The following CCM2L variants were observed in gnomAD, a reference collection of about 807,000 sequenced individuals.
CCM2L encodes CCM2 like scaffold protein.
Under a neutral mutation model 54.1 loss-of-function variants are expected in CCM2L, and 36 were observed. The observed-to-expected ratio is 0.67, with a 90% CI of 0.51 to 0.88. CCM2L has a LOEUF of 0.88. CCM2L is among the 40% of genes least tolerant of loss of function. CCM2L has a pLI of 0.00. For synonymous variants in CCM2L, 351 were observed against 359.3 expected (o/e 0.98, Z 0.26); for missense variants, 700 against 812.1 (o/e 0.86, Z 1.68).
intron 2 of CCM2L, among the ~76,000 whole-genome samples, chr20:32,015,680 G>A (rs994291613): frequency 1.3e-5 from 2 of 152,088 alleles, no homozygotes; most frequent in Non-Finnish European, 2.9e-5. Context: ...GTTATCAGGC[G>A]TTCATGCATG....
intron 1 of CCM2L, among the ~76,000 whole-genome samples, chr20:32,014,267 T>A (rs1002119730): frequency 3.0e-4 from 40 of 133,562 alleles, no homozygotes; most frequent in African/African-American, 8.3e-4. Context: ...ATATATTTTT[T>A]TTTTTTTTTT....
Position 32,025,922 on chromosome 20 carries a change from G to A in CCM2L, c.1133+3G>A. ...GACTTCAGCTGCTGCAGCTCCTTGTGAGTACAGCCCCTGTCAGGGACTCCA... is the reference window on the plus strand; with the variant it reads ...GACTTCAGCTGCTGCAGCTCCTTGTAAGTACAGCCCCTGTCAGGGACTCCA... On this transcript the variant is annotated splice_donor_region_variant and intron_variant, in intron 7 of 9. Coordinates refer to ENST00000452892, the MANE Select transcript of CCM2L (RefSeq NM_001365692.1). 7.7e-7 allele frequency: 1 copy of A among 1,304,080 alleles called. No individual in the cohort carries two copies. Among genetic ancestry groups the A allele is most frequent in the Non-Finnish European group, 1.0e-6 (1 of 988,836 alleles). The allele number at this position is 1,304,080 out of a possible 1,614,324, so 80.8% of individuals were successfully genotyped here.
At chr20:32,020,676 C>T (rs1157308525) in intron 5 of CCM2L, among the ~76,000 whole-genome samples, 1 of 152,164 alleles carries the variant, frequency 6.6e-6, no homozygotes, top group African/African-American at 2.4e-5. Context: ...ACCCCATATC[C>T]ACTCTGTCAA....
intron 5 of CCM2L, 98 bp downstream of exon 5, chr20:32,019,507 C>T (rs1364379458): frequency 2.4e-6 from 2 of 834,646 alleles, no homozygotes; most frequent in East Asian, 7.1e-5. Flanking sequence ...TTCCTAGGAT[C>T]TGCCCCTGCC....
chr20:32,016,270 C>A (rs545479742), intron 2 of CCM2L, among the ~76,000 whole-genome samples: 12 of 152,296 alleles, frequency 7.9e-5, no homozygotes, highest in Admixed American at 7.2e-4. Flanking sequence ...ATCTGAATTT[C>A]AGATAAGCAA....
chr20:32,031,419 G>A lies in CCM2L; in HGVS notation c.*105G>A, dbSNP rs1026022355. The A allele has an allele frequency of 3.9e-5, 39 of 988,624 alleles. No homozygotes were observed. The highest frequency in any genetic ancestry group is 5.1e-5 in the Non-Finnish European group (39 of 759,004). The allele number at this position is 988,624 out of a possible 1,614,324, so 61.2% of individuals were successfully genotyped here. A position where few individuals can be genotyped will look rare whatever the true frequency, so the allele number is the denominator to read the frequency against. ...CCCCCCATCACACCTGGCGGGGCCG[G>A]GGGGTCTTCACTCCAGGGTCTCGCT... is the stretch of plus-strand genomic sequence containing the variant. On this transcript the variant is annotated 3_prime_UTR_variant, in exon 10 of 10. Coordinates refer to ENST00000452892, the MANE Select transcript of CCM2L (RefSeq NM_001365692.1).
In CCM2L at chr20:32,031,221, C is replaced by G. The variant is rs1228665752; in HGVS notation, c.1623C>G (p.Ile541Met). The G allele has an allele frequency of 5.5e-5, 71 of 1,300,344 alleles. No individual in the cohort carries two copies. The highest frequency in any genetic ancestry group is 6.9e-5 in the Non-Finnish European group (68 of 988,604). The allele number at this position is 1,300,344 out of a possible 1,614,324, so 80.6% of individuals were successfully genotyped here. The change falls in exon 10 of 10, where the codon ATC becomes ATG. Residue 541 changes from isoleucine to methionine, a missense_variant. Transcript: ENST00000452892. The part of the protein sequence containing the change: ...HRLLADITHD[I>M]EALAPDDDDD... ...TGCTGGCTGACATCACGCACGACATCGAGGCGCTGGCCCCCGATGACGACG... is the reference window on the plus strand; with the variant it reads ...TGCTGGCTGACATCACGCACGACATGGAGGCGCTGGCCCCCGATGACGACG...
rs2064830738 is a variant in CCM2L, at chr20:32,023,932, TGTTA to T, written c.1069+1141_1069+1144del. On this transcript the variant is annotated intron_variant, in intron 6 of 9. Coordinates refer to ENST00000452892, the MANE Select transcript of CCM2L (RefSeq NM_001365692.1). ...TTTTAGTAGAGACGGGGTTTCACCATGTTAGTTGGCCAGTGTGGTCTTGATCTCT... is the reference window on the plus strand; with the variant it reads ...TTTTAGTAGAGACGGGGTTTCACCATGTTGGCCAGTGTGGTCTTGATCTCT... Among the ~76,000 whole-genome samples, 3 of 152,320 alleles carry T rather than the reference TGTTA, an allele frequency of 2.0e-5. No homozygotes were observed. In the South Asian group the frequency reaches 6.2e-4, roughly 32 times the overall value.
chr20:32,017,733 G>T, intron 2 of CCM2L, 67 bp from the exon 3 acceptor site: 1 of 1,270,048 alleles, frequency 7.9e-7, no homozygotes, highest in Non-Finnish European at 1.2e-6. Context: ...TCAATGAGAA[G>T]GCCAGGGTTC....
intron 4 of CCM2L, 91 bp from the exon 5 acceptor site, chr20:32,018,852 C>T: frequency 8.2e-7 from 1 of 1,217,782 alleles, no homozygotes; most frequent in East Asian, 3.4e-5. Flanking sequence ...AACCCCAGAG[C>T]CGCGAGGTCA....
chr20:32,018,916 G>T, intron 4 of CCM2L, 27 bp from the exon 5 acceptor site: 1 of 1,293,592 alleles, frequency 7.7e-7, no homozygotes, highest in Non-Finnish European at 9.8e-7. Context: ...CGATCCCCGC[G>T]GCTGACGGTC....
At position 32,018,068 on chromosome 20, in the gene CCM2L, C is replaced by T. The variant is rs748639454; in HGVS notation, c.372C>T (p.Asp124=). The T allele has an allele frequency of 6.2e-7, 1 of 1,613,568 alleles. No individual in the cohort carries two copies. Among genetic ancestry groups the T allele is most frequent in the South Asian group, 1.1e-5 (1 of 91,010 alleles). Residue 124 remains aspartate (D), a synonymous_variant, in exon 4 of 10, where the codon GAC becomes GAT. Transcript: ENST00000452892. The stretch of plus-strand genomic sequence containing the variant: ...GCTGCCTGCTGCTCACCTGGCGCGA[C>T]AATGAAGAGCTCATTCTGCGAATCC... The part of the protein sequence containing the change: ...SARCLLLTWR[D]NEELILRIPT...
Position 32,017,894 on chromosome 20 carries a change from G to A in CCM2L, c.282+11G>A, listed in dbSNP as rs377461731. 1.4e-4 allele frequency: 225 copies of A among 1,613,712 alleles called. No homozygotes were observed. The highest frequency in any genetic ancestry group is 1.8e-4 in the Non-Finnish European group (212 of 1,179,970). ...CTAGACACCGCCAGGGTGAGACTCTGGGGAGGGAGGAGGGCAGGATCTCGC... is the reference window on the plus strand; with the variant it reads ...CTAGACACCGCCAGGGTGAGACTCTAGGGAGGGAGGAGGGCAGGATCTCGC... On this transcript the variant is annotated intron_variant, in intron 3 of 9. Transcript: ENST00000452892.
At chr20:32,030,720 AG>A (rs1376732115) in intron 9 of CCM2L, among the ~76,000 whole-genome samples, 1 of 151,704 alleles carries the variant, frequency 6.6e-6, no homozygotes, top group African/African-American at 2.4e-5. Context: ...CTGTAATCCC[AG>A]CTACTTGGGA....
intron 8 of CCM2L, 193 bp downstream of exon 8, chr20:32,029,317 G>A: frequency 2.8e-6 from 2 of 707,378 alleles, no homozygotes; most frequent in Non-Finnish European, 2.3e-6. Context: ...GGCATTAATT[G>A]AGTGCCTGCT....
intron 1 of CCM2L, among the ~76,000 whole-genome samples, chr20:32,014,554 C>T (rs551131858): frequency 6.6e-6 from 1 of 152,294 alleles, no homozygotes; most frequent in African/African-American, 2.4e-5. Flanking sequence ...GTATGAGCCA[C>T]CACGCCTGGC....
In CCM2L at chr20:32,031,232, C is replaced by T. The variant is rs1600687503; in HGVS notation, c.1634C>T (p.Ala545Val). 3 of 1,299,064 alleles carry T rather than the reference C, an allele frequency of 2.3e-6. No individual in the cohort carries two copies. The highest frequency in any genetic ancestry group is 3.0e-6 in the Non-Finnish European group (3 of 988,486). 80.5% of individuals were successfully genotyped at this position (1,299,064 alleles called of 1,614,324 possible). A position where few individuals can be genotyped will look rare whatever the true frequency, so the allele number is the denominator to read the frequency against. ...ATCACGCACGACATCGAGGCGCTGG[C>T]CCCCGATGACGACGACGACGACGAG... is the stretch of plus-strand genomic sequence containing the variant. ...ADITHDIEAL[A>V]PDDDDDDEDE... The change falls in exon 10 of 10, where the codon GCC becomes GTC. Residue 545 changes from alanine (A) to valine (V), a missense_variant. Coordinates refer to ENST00000452892, the MANE Select transcript of CCM2L (RefSeq NM_001365692.1).
At chr20:32,028,857 T>G in intron 7 of CCM2L, 138 bp from the exon 8 acceptor site, 2 of 1,073,208 alleles carry the variant, frequency 1.9e-6, no homozygotes, top group Non-Finnish European at 2.7e-6. Flanking sequence ...AGATGAGACT[T>G]GAGAGGTGCC....
chr20:32,014,705 C>G (rs183418409), intron 1 of CCM2L, among the ~76,000 whole-genome samples, 199 bp from the exon 2 acceptor site: 13 of 152,194 alleles, frequency 8.5e-5, no homozygotes, highest in Non-Finnish European at 1.8e-4. Context: ...ACTGGTTCCA[C>G]CACTACTAGC....
Sources: allele counts gnomAD v4.1 joint callset (sites outside exome capture counted in the v4.1 genomes callset), GRCh38; gene constraint gnomAD v4.1.1; transcripts MANE v1.5; gene names NCBI Gene and HGNC (gene_info 2026-07-23, HGNC 2026-07-21).